COL21A1: variants seen among roughly 807,000 people sequenced by gnomAD.
COL21A1 encodes the protein collagen type XXI alpha 1 chain.
A neutral mutation model predicts 137.9 loss-of-function variants in COL21A1; 149 were observed. The observed-to-expected ratio is 1.08, with a 90% CI of 0.95 to 1.24. COL21A1 has a LOEUF of 1.24. Among genes scored for constraint, COL21A1 ranks in the 50% most tolerant of loss-of-function variants. The probability of loss-of-function intolerance (pLI) is 0.00; values close to 1 mark genes in which losing one functional copy is unlikely to be tolerated. For synonymous variants in COL21A1, 456 were observed against 391.5 expected (o/e 1.16, Z -1.95); for missense variants, 1,167 against 1,158.4 (o/e 1.01, Z -0.11).
chr6:56,182,786 C>G lies in COL21A1; in HGVS notation c.-38-130G>C, dbSNP rs1487439837. On this transcript the variant is annotated intron_variant, in intron 1 of 29. Coordinates refer to ENST00000244728, the MANE Select transcript of COL21A1 (RefSeq NM_030820.4). ...TGTGACTATTAGAATTAACTTAAATCTGTTTAAAACAGCCAAATGTTAAAT... is the reference window on the plus strand; with the variant it reads ...TGTGACTATTAGAATTAACTTAAATGTGTTTAAAACAGCCAAATGTTAAAT... The G allele has an allele frequency of 9.0e-6, 5 of 558,440 alleles. No homozygotes were observed. In the African/African-American group the frequency reaches 9.4e-5, roughly 10 times the overall value. The allele number at this position is 558,440 out of a possible 1,614,324, so 34.6% of individuals were successfully genotyped here.
intron 1 of COL21A1, among the ~76,000 whole-genome samples, chr6:56,361,703 AT>A (rs1765969822): frequency 4.0e-5 from 6 of 151,534 alleles, no homozygotes; most frequent in East Asian, 2.0e-4. Flanking sequence ...ATAAAAAAAA[AT>A]CAAAAAGTCA....
At chr6:56,245,113 C>G (rs1782566400) in intron 1 of COL21A1, among the ~76,000 whole-genome samples, 1 of 152,126 alleles carries the variant, frequency 6.6e-6, no homozygotes, top group Non-Finnish European at 1.5e-5. Context: ...TTCCTTTATT[C>G]ACTCTGTTAA....
chr6:56,135,945 T>A (rs1369404275), intron 12 of COL21A1, among the ~76,000 whole-genome samples: 2 of 152,204 alleles, frequency 1.3e-5, no homozygotes, highest in Admixed American at 1.3e-4. Flanking sequence ...AAACAATTCA[T>A]CCTTAACTCA....
intron 1 of COL21A1, chr6:56,276,813 T>TGG: frequency 2.1e-6 from 2 of 938,548 alleles, no homozygotes; most frequent in South Asian, 2.9e-5. Context: ...TTTTGTTTTT[T>TGG]TTGTTTTTTT....
intron 1 of COL21A1, among the ~76,000 whole-genome samples, chr6:56,233,469 T>G (rs1451264312): frequency 6.6e-6 from 1 of 151,750 alleles, no homozygotes; most frequent in East Asian, 1.9e-4. Flanking sequence ...AGAAAATCAA[T>G]TAGTATCTTA....
At chr6:56,228,459 C>A (rs1781349235) in intron 1 of COL21A1, among the ~76,000 whole-genome samples, 1 of 151,582 alleles carries the variant, frequency 6.6e-6, no homozygotes, top group African/African-American at 2.4e-5. Context: ...ATGTCTTTCC[C>A]TGAAAGAATT....
chr6:56,319,128 C>A (rs182674257), intron 1 of COL21A1, among the ~76,000 whole-genome samples: 1 of 152,162 alleles, frequency 6.6e-6, no homozygotes, highest in Non-Finnish European at 1.5e-5. Flanking sequence ...TCTGGGACAT[C>A]GCCCTCCTTT....
At chr6:56,227,864 C>A (rs1781310388) in intron 1 of COL21A1, among the ~76,000 whole-genome samples, 3 of 152,002 alleles carry the variant, frequency 2.0e-5, no homozygotes. Flanking sequence ...ATACCTAGTT[C>A]CTGGCTGGCT....
At chr6:56,064,675 C>A in intron 23 of COL21A1, 53 bp from the exon 24 acceptor site, 4 of 1,218,670 alleles carry the variant, frequency 3.3e-6, no homozygotes, top group South Asian at 2.7e-5. Context: ...ACGATGCAAT[C>A]ACATATGCAA....
chr6:56,219,102 C>T (rs1349824118), intron 1 of COL21A1, among the ~76,000 whole-genome samples: 1 of 147,924 alleles, frequency 6.8e-6, no homozygotes, highest in African/African-American at 2.5e-5. Context: ...AGTTCTCGAT[C>T]AAACTGTAAC....
chr6:56,296,931 G>A (rs1468667522), intron 1 of COL21A1, among the ~76,000 whole-genome samples: 2 of 151,968 alleles, frequency 1.3e-5, no homozygotes, highest in Non-Finnish European at 2.9e-5. Flanking sequence ...TCATTGACAT[G>A]ACTAGCAACC....
At position 56,170,782 on chromosome 6, in the gene COL21A1, C is replaced by T; in HGVS notation, c.893G>A (p.Trp298Ter). 6.2e-7 allele frequency: 1 copy of T among 1,608,976 alleles called. No homozygotes were observed. The highest frequency in any genetic ancestry group is 1.7e-4 in the Middle Eastern group (1 of 6,050). Residue 298 changes from tryptophan to a stop codon, truncating the protein, a stop_gained, in exon 5 of 30, where the codon TGG (tryptophan) becomes TAG (stop). Transcript: ENST00000244728. LOFTEE classifies it high-confidence loss of function. ...CCTTCCATCAATAGTTAATATTCTCCATAAATCCCAAATTTTCTTGACTTT... is the reference window on the plus strand; with the variant it reads ...CCTTCCATCAATAGTTAATATTCTCTATAAATCCCAAATTTTCTTGACTTT... ...RFKVKKIWDL[W>*]RILTIDGRPQ...
intron 1 of COL21A1, among the ~76,000 whole-genome samples, chr6:56,390,309 T>A (rs946792239): frequency 6.6e-6 from 1 of 152,120 alleles, no homozygotes; most frequent in Non-Finnish European, 1.5e-5. Context: ...AGCCTCATGA[T>A]AACCACAAAA....
intron 1 of COL21A1, among the ~76,000 whole-genome samples, chr6:56,239,437 C>CT (rs1486654868): frequency 6.6e-6 from 1 of 151,912 alleles, no homozygotes; most frequent in Non-Finnish European, 1.5e-5. Flanking sequence ...AGCATAAAAA[C>CT]GTCTACCATC....
intron 10 of COL21A1, among the ~76,000 whole-genome samples, chr6:56,149,262 C>T (rs557454733): frequency 7.9e-5 from 12 of 152,102 alleles, no homozygotes; most frequent in Middle Eastern, 6.8e-3. Context: ...TTAACATACA[C>T]GAGTAGCTAA....
chr6:56,349,386 A>C (rs1393094966), intron 1 of COL21A1, among the ~76,000 whole-genome samples: 1 of 152,110 alleles, frequency 6.6e-6, no homozygotes, highest in Non-Finnish European at 1.5e-5. Flanking sequence ...TGAGATGTTG[A>C]GTCATCATAA....
At chr6:56,219,608 T>C (rs776032698) in intron 1 of COL21A1, among the ~76,000 whole-genome samples, 6 of 152,116 alleles carry the variant, frequency 3.9e-5, no homozygotes, top group African/African-American at 1.4e-4. Flanking sequence ...TACAAAACTG[T>C]TATTAACAAA....
intron 1 of COL21A1, among the ~76,000 whole-genome samples, chr6:56,386,827 T>C (rs1346992485): frequency 6.6e-6 from 1 of 151,962 alleles, no homozygotes; most frequent in East Asian, 1.9e-4. Flanking sequence ...GAACAAACAG[T>C]AGGGAAAGGG....
chr6:56,179,083 A>C (rs1777702335), intron 3 of COL21A1, among the ~76,000 whole-genome samples: 1 of 152,048 alleles, frequency 6.6e-6, no homozygotes, highest in Non-Finnish European at 1.5e-5. Context: ...AATTGTATAC[A>C]CAAGAGTATA....
Sources: gnomAD v4.1 joint callset for allele counts (sites outside exome capture counted in the v4.1 genomes callset) on GRCh38, gnomAD v4.1.1 for gene constraint, MANE v1.5 for transcripts, NCBI Gene and HGNC (gene_info 2026-07-23, HGNC 2026-07-21) for gene names.